Variants in PPP4R3B observed in about 807,000 individuals in gnomAD.
PPP4R3B encodes protein phosphatase 4 regulatory subunit 3B.
In PPP4R3B, 52 loss-of-function variants were observed where a neutral mutation model predicts 95.4. The observed-to-expected ratio is 0.54, with a 90% CI of 0.44 to 0.69. The LOEUF (loss-of-function observed/expected upper bound fraction) is 0.69. Ranked by LOEUF, PPP4R3B falls within the 30% of genes least tolerant of loss-of-function variation. The probability of loss-of-function intolerance (pLI) is 0.00; values close to 1 mark genes in which losing one functional copy is unlikely to be tolerated. For missense variants in PPP4R3B, 1,003 were observed against 1,005.9 expected, an observed-to-expected ratio of 1.00 and a Z score of 0.04; for synonymous variants, 407 against 343.9, an observed-to-expected ratio of 1.18 and a Z score of -2.03.
intron 15 of PPP4R3B, 98 bp from the exon 16 acceptor site, chr2:55,559,066 G>T: frequency 1.0e-6 from 1 of 968,372 alleles, no homozygotes; most frequent in Non-Finnish European, 1.5e-6. Flanking sequence ...AAACATTGCT[G>T]CCCGGGCATG....
In PPP4R3B at chr2:55,577,310, C is replaced by T; in HGVS notation, c.1606+5G>A. On this transcript the variant is annotated splice_donor_5th_base_variant and intron_variant, in intron 11 of 16. Coordinates refer to ENST00000616407, the MANE Select transcript of PPP4R3B (RefSeq NM_001122964.3). The stretch of plus-strand genomic sequence containing the variant: ...TGTATTCATAAAGTATGAATTCATA[C>T]TTACCGGGACAAATTGTGTTGTTTT... 1 of 1,551,238 alleles carries T rather than the reference C, an allele frequency of 6.4e-7. No homozygotes were observed. The highest frequency in any genetic ancestry group is 8.7e-7 in the Non-Finnish European group (1 of 1,155,010).
At chr2:55,612,917 G>T (rs1304318341) in intron 2 of PPP4R3B, among the ~76,000 whole-genome samples, 1 of 150,728 alleles carries the variant, frequency 6.6e-6, no homozygotes, top group East Asian at 2.0e-4. Context: ...CCACACTGCA[G>T]CATGGACGAC....
intron 4 of PPP4R3B, among the ~76,000 whole-genome samples, chr2:55,591,159 T>C (rs1218712647): frequency 7.3e-5 from 11 of 151,654 alleles, no homozygotes; most frequent in Non-Finnish European, 1.6e-4. Flanking sequence ...TTTTTTTTTC[T>C]AGAGTCTCAC....
intron 16 of PPP4R3B, among the ~76,000 whole-genome samples, chr2:55,554,443 C>G (rs1428134102): frequency 6.6e-6 from 1 of 152,224 alleles, no homozygotes; most frequent in Non-Finnish European, 1.5e-5. Flanking sequence ...TTTATTATAG[C>G]TATCCTAGAG....
At chr2:55,550,301 A>G (rs766235297) in intron 16 of PPP4R3B, among the ~76,000 whole-genome samples, 2 of 152,204 alleles carry the variant, frequency 1.3e-5, no homozygotes, top group Non-Finnish European at 2.9e-5. Flanking sequence ...AACAGTAGGG[A>G]TAACAATTAA....
At position 55,611,869 on chromosome 2, in the gene PPP4R3B, T is replaced by C. The variant is rs562795087; in HGVS notation, c.198+3582A>G. 9.9e-5 allele frequency among the ~76,000 whole-genome samples: 15 copies of C among 152,132 alleles called. No individual in the cohort carries two copies. In the South Asian group the frequency reaches 1.9e-3, roughly 19 times the overall value. On this transcript the variant is annotated intron_variant, in intron 2 of 16. Coordinates refer to ENST00000616407, the MANE Select transcript of PPP4R3B (RefSeq NM_001122964.3). Reference sequence around the variant, plus strand: ...TCACCTCCAGAAGTAGCTGGCACTATAGCTGCGCACCACCACACCTGGATA... The same window carrying C: ...TCACCTCCAGAAGTAGCTGGCACTACAGCTGCGCACCACCACACCTGGATA...
At chr2:55,559,051 T>G in intron 15 of PPP4R3B, 83 bp from the exon 16 acceptor site, 1 of 1,128,148 alleles carries the variant, frequency 8.9e-7, no homozygotes, top group Non-Finnish European at 1.3e-6. Context: ...ATTAAAAAAC[T>G]TATAAAACAT....
chr2:55,581,451 T>A, intron 8 of PPP4R3B, 116 bp downstream of exon 8: 1 of 1,076,334 alleles, frequency 9.3e-7, no homozygotes, highest in Non-Finnish European at 1.3e-6. Context: ...AGAATACCAC[T>A]GCTACTTAAA....
chr2:55,609,166 A>G (rs1559053965), intron 2 of PPP4R3B, among the ~76,000 whole-genome samples: 1 of 152,050 alleles, frequency 6.6e-6, no homozygotes, highest in Non-Finnish European at 1.5e-5. Context: ...AAAATTCATA[A>G]TTCATCTGAT....
At chr2:55,591,757 A>G in intron 4 of PPP4R3B, 4 of 673,518 alleles carry the variant, frequency 5.9e-6, no homozygotes, top group Non-Finnish European at 7.3e-6. Flanking sequence ...GAGAATATGT[A>G]TTCCTAGTAT....
At chr2:55,581,106 A>C (rs946702822) in intron 8 of PPP4R3B, among the ~76,000 whole-genome samples, 1 of 152,128 alleles carries the variant, frequency 6.6e-6, no homozygotes, top group South Asian at 2.1e-4. Context: ...TACAAAAATT[A>C]GCCAGGTGTG....
chr2:55,560,553 C>T (rs758056401), intron 15 of PPP4R3B, among the ~76,000 whole-genome samples: 44 of 152,050 alleles, frequency 2.9e-4, no homozygotes, highest in African/African-American at 8.4e-4. Context: ...CTGAGACAAG[C>T]GGATCACGAA....
intron 13 of PPP4R3B, among the ~76,000 whole-genome samples, chr2:55,567,809 G>T (rs926008723): frequency 6.6e-6 from 1 of 152,106 alleles, no homozygotes; most frequent in Non-Finnish European, 1.5e-5. Context: ...CGTGAATAAG[G>T]CATGATTGAC....
chr2:55,571,859 T>C (rs1009059191), intron 12 of PPP4R3B, among the ~76,000 whole-genome samples: 1 of 152,226 alleles, frequency 6.6e-6, no homozygotes, highest in African/African-American at 2.4e-5. Context: ...CCTCAGGTGA[T>C]CCACCCGCCT....
At chr2:55,564,073 A>C (rs979699097) in intron 15 of PPP4R3B, among the ~76,000 whole-genome samples, 9 of 152,228 alleles carry the variant, frequency 5.9e-5, no homozygotes, top group African/African-American at 2.2e-4. Flanking sequence ...TAGATAATTC[A>C]ATTTCTAACT....
chr2:55,578,365 A>G, intron 9 of PPP4R3B, 23 bp from the exon 10 acceptor site: 1 of 1,341,884 alleles, frequency 7.5e-7, no homozygotes, highest in Non-Finnish European at 9.6e-7. Context: ...ATGGCAAGTT[A>G]GTTTTGATAA....
At chr2:55,609,785 C>G (rs1323477206) in intron 2 of PPP4R3B, among the ~76,000 whole-genome samples, 1 of 151,784 alleles carries the variant, frequency 6.6e-6, no homozygotes. Context: ...ATACAGTATG[C>G]TACCAGTTAT....
chr2:55,553,410 G>GCACT (rs897458798), intron 16 of PPP4R3B, among the ~76,000 whole-genome samples: 18 of 151,988 alleles, frequency 1.2e-4, no homozygotes, highest in African/African-American at 4.4e-4. Context: ...AAAAAGCAGG[G>GCACT]CACTACTCTC....
chr2:55,552,419 A>G (rs1212320570), intron 16 of PPP4R3B, among the ~76,000 whole-genome samples: 2 of 152,184 alleles, frequency 1.3e-5, no homozygotes, highest in Admixed American at 1.3e-4. Context: ...ATTTTTTAAG[A>G]GTCTTGCTCT....
Sources: gnomAD v4.1 joint callset for allele counts (sites outside exome capture counted in the v4.1 genomes callset) on GRCh38, gnomAD v4.1.1 for gene constraint, MANE v1.5 for transcripts, NCBI Gene and HGNC (gene_info 2026-07-23, HGNC 2026-07-21) for gene names.